RPS21: variants seen among roughly 807,000 people sequenced by gnomAD.
The protein encoded by RPS21 is ribosomal protein S21.
A neutral mutation model predicts 14.5 loss-of-function variants in RPS21; 6 were observed. The observed-to-expected ratio is 0.41, with a 90% CI of 0.23 to 0.82. The LOEUF is 0.82. Ranked by LOEUF, RPS21 falls within the 40% of genes least tolerant of loss-of-function variation. The pLI is 0.31. For missense variants in RPS21, 85 were observed against 115.0 expected (o/e 0.74, Z 1.19); for synonymous variants, 61 against 42.6 (o/e 1.43, Z -1.69).
intron 2 of RPS21, 58 bp downstream of exon 2, chr20:62,387,446 C>T (rs1316693843): frequency 6.2e-7 from 1 of 1,602,040 alleles, no homozygotes; most frequent in Non-Finnish European, 8.5e-7. Flanking sequence ...GTCCCCTCGC[C>T]TGCCCTTGTT....
chr20:62,388,124 G>GCC (rs60801535), intron 4 of RPS21, 185 bp from the exon 5 acceptor site: 407 of 1,490,194 alleles, frequency 2.7e-4, no homozygotes, highest in African/African-American at 6.6e-4. Flanking sequence ...ACTAGGAGGT[G>GCC]CCCCCCCGAC....
rs763798161 is a variant in RPS21 at position 62,388,518 on chromosome 20, C to T, written c.*52C>T. 1.3e-6 allele frequency: 2 copies of T among 1,593,044 alleles called. No individual in the cohort carries two copies. Among genetic ancestry groups the T allele is most frequent in the Admixed American group, 1.7e-5 (1 of 59,956 alleles). ...TTTGTCATAAATAAATAATGAAAAC[C>T]TACCTGTGCAGGTTCATTCTGTGTC... On this transcript the variant is annotated 3_prime_UTR_variant, in exon 6 of 6. Transcript: ENST00000343986.
intron 3 of RPS21, 34 bp downstream of exon 3, chr20:62,387,708 G>A: frequency 3.7e-6 from 6 of 1,614,100 alleles, no homozygotes; most frequent in Non-Finnish European, 5.1e-6. Context: ...GGAAGGTTGT[G>A]ATATATGTGC....
chr20:62,387,217 GGGGTGCT>G (rs1569011838), intron 1 of RPS21, 81 bp downstream of exon 1: 4 of 773,826 alleles, frequency 5.2e-6, no homozygotes, highest in Admixed American at 5.4e-5. Flanking sequence ...GACGGGGTGC[GGGGTGCT>G]GGGTGCGGCT....
rs375620131 is a variant in RPS21 at position 62,387,827 on chromosome 20, C to T, written c.115-16C>T. 14 of 1,613,934 alleles carry T rather than the reference C, an allele frequency of 8.7e-6. No individual in the cohort carries two copies. The highest frequency in any genetic ancestry group is 8.0e-5 in the African/African-American group (6 of 74,920). ...AAACCTGGGGGAGTGGTTTGTGACCCTTCTTCTCTTTCTAGGTTGACAAGG... is the reference window on the plus strand; with the variant it reads ...AAACCTGGGGGAGTGGTTTGTGACCTTTCTTCTCTTTCTAGGTTGACAAGG... On this transcript the variant is annotated splice_polypyrimidine_tract_variant and intron_variant, in intron 3 of 5. Transcript: ENST00000343986.
At chr20:62,387,441 C>T (rs972624364) in intron 2 of RPS21, 53 bp downstream of exon 2, 59 of 1,602,836 alleles carry the variant, frequency 3.7e-5, no homozygotes, top group African/African-American at 3.2e-4. Context: ...ACCACGTCCC[C>T]TCGCCTGCCC....
intron 4 of RPS21, 136 bp from the exon 5 acceptor site, chr20:62,388,173 G>C: frequency 1.4e-6 from 2 of 1,466,872 alleles, no homozygotes; most frequent in Non-Finnish European, 1.8e-6. Context: ...TGCCCCGGGA[G>C]AGGTGGCTCC....
Position 62,387,650 on chromosome 20 carries a change from A to G in RPS21, c.90A>G (p.Ala30=). ...GCATCATCGGTGCCAAGGACCACGC[A>G]TCCATCCAGATGAACGTGGCCGAGG... ...SNRIIGAKDH[A]SIQMNVAEVD... is the part of the protein sequence containing the mutation. Residue 30 remains alanine, a synonymous_variant, in exon 3 of 6, where the codon GCA becomes GCG. Coordinates refer to ENST00000343986, the MANE Select transcript of RPS21 (RefSeq NM_001024.4). 1 of 1,614,076 alleles carries G rather than the reference A, an allele frequency of 6.2e-7. No individual in the cohort carries two copies. The highest frequency in any genetic ancestry group is 8.5e-7 in the Non-Finnish European group (1 of 1,180,020).
intron 5 of RPS21, 42 bp downstream of exon 5, chr20:62,388,406 G>GTGGGCA: frequency 2.5e-6 from 4 of 1,613,518 alleles, no homozygotes; most frequent in Non-Finnish European, 3.4e-6. Flanking sequence ...GAGTGGACTA[G>GTGGGCA]GACTGCTCCA....
Position 62,388,449 on chromosome 20 carries a change from G to A in RPS21, c.243-8G>A, listed in dbSNP as rs1987832345. The A allele has an allele frequency of 2.5e-6, 4 of 1,613,752 alleles. No homozygotes were observed. Among genetic ancestry groups the A allele is most frequent in the Non-Finnish European group, 3.4e-6 (4 of 1,179,850 alleles). ...GGTCTTAACGTTGTCCTTTTCCCCTGGTTCTAGGAACTTTTGACTGGAGAG... is the reference window on the plus strand; with the variant it reads ...GGTCTTAACGTTGTCCTTTTCCCCTAGTTCTAGGAACTTTTGACTGGAGAG... On this transcript the variant is annotated splice_polypyrimidine_tract_variant and splice_region_variant and intron_variant, in intron 5 of 5. Coordinates refer to ENST00000343986, the MANE Select transcript of RPS21 (RefSeq NM_001024.4).
rs759635082 is a variant in RPS21 at position 62,388,317 on chromosome 20, A to G, written c.195A>G (p.Ser65=). 3 of 1,589,522 alleles carry G rather than the reference A, an allele frequency of 1.9e-6. No homozygotes were observed. Among genetic ancestry groups the G allele is most frequent in the Admixed American group, 2.0e-5 (1 of 51,008 alleles). Residue 65 remains serine, a synonymous_variant, in exon 5 of 6, where the codon TCA becomes TCG. Coordinates refer to ENST00000343986, the MANE Select transcript of RPS21 (RefSeq NM_001024.4). The part of the protein sequence containing the change: ...ICGAIRRMGE[S]DDSILRLAKA... Reference sequence around the variant, plus strand: ...TTTTTTTTTTTCTTAAGGGTGAGTCAGATGATTCCATTCTCCGATTGGCCA... The same window carrying G: ...TTTTTTTTTTTCTTAAGGGTGAGTCGGATGATTCCATTCTCCGATTGGCCA...
rs565857395 is a variant in RPS21 at position 62,387,547 on chromosome 20, C to T, written c.51-64C>T. On this transcript the variant is annotated intron_variant, in intron 2 of 5. Transcript: ENST00000343986. ...TTTCCATTCATATACCCCCAACCTCCCTCGTCCCCTCTTTCATTCTTACCG... is the reference window on the plus strand; with the variant it reads ...TTTCCATTCATATACCCCCAACCTCTCTCGTCCCCTCTTTCATTCTTACCG... 111 of 1,590,248 alleles carry T rather than the reference C, an allele frequency of 7.0e-5. 2 individuals carry two copies. In the South Asian group the frequency reaches 1.2e-3, roughly 17 times the overall value.
In RPS21 at chr20:62,387,140, TGGCGCGCGGCGCG is replaced by T; in HGVS notation, c.-19+8_-19+20del. On this transcript the variant is annotated splice_donor_5th_base_variant and intron_variant, in intron 1 of 5. Coordinates refer to ENST00000343986, the MANE Select transcript of RPS21 (RefSeq NM_001024.4). ...GCGCGCGGTGTGGTGGCAGCAGGTG[TGGCGCGCGGCGCG>T]GGCTTCGGGCTCAGGGCTGGGGCTG... 2.0e-6 allele frequency: 1 copy of T among 492,528 alleles called. No homozygotes were observed. The allele number at this position is 492,528 out of a possible 1,614,324, so 30.5% of individuals were successfully genotyped here. A position where few individuals can be genotyped will look rare whatever the true frequency, so the allele number is the denominator to read the frequency against.
At chr20:62,387,559 T>C (rs1200629638) in intron 2 of RPS21, 52 bp from the exon 3 acceptor site, 36 of 1,595,124 alleles carry the variant, frequency 2.3e-5, no homozygotes, top group Non-Finnish European at 2.8e-5. Context: ...TCGTCCCCTC[T>C]TTCATTCTTA....
In RPS21 at chr20:62,388,325, C is replaced by A. The variant is rs980624019; in HGVS notation, c.203C>A (p.Ser68Tyr). The A allele has an allele frequency of 6.3e-7, 1 of 1,589,798 alleles. No homozygotes were observed. Among genetic ancestry groups the A allele is most frequent in the Non-Finnish European group, 8.5e-7 (1 of 1,173,834 alleles). ...AIRRMGESDD[S>Y]ILRLAKADGI... ...TTTCTTAAGGGTGAGTCAGATGATT[C>A]CATTCTCCGATTGGCCAAGGCCGAT... The change falls in exon 5 of 6, where the codon TCC becomes TAC. Residue 68 changes from serine to tyrosine, a missense_variant. Transcript: ENST00000343986.
intron 2 of RPS21, 41 bp downstream of exon 2, chr20:62,387,429 C>G (rs747478691): frequency 5.0e-6 from 8 of 1,604,890 alleles, no homozygotes; most frequent in African/African-American, 2.7e-5. Flanking sequence ...CCTTACCTAA[C>G]CACCACGTCC....
At position 62,387,315 on chromosome 20, in the gene RPS21, C is replaced by G. The variant is rs754691033; in HGVS notation, c.-18-6C>G. ...GTACTCACGGCGCCGCGCGGTGACT[C>G]CCCAGGCGCAGCCCAGCCTCGAAAT... is the stretch of plus-strand genomic sequence containing the variant. On this transcript the variant is annotated splice_region_variant and splice_polypyrimidine_tract_variant and intron_variant, in intron 1 of 5. Transcript: ENST00000343986. 2 of 1,583,478 alleles carry G rather than the reference C, an allele frequency of 1.3e-6. No individual in the cohort carries two copies. Among genetic ancestry groups the G allele is most frequent in the Non-Finnish European group, 1.7e-6 (2 of 1,166,126 alleles).
chr20:62,387,212 G>A, intron 1 of RPS21, 76 bp downstream of exon 1: 2 of 739,622 alleles, frequency 2.7e-6, no homozygotes, highest in Non-Finnish European at 4.3e-6. Context: ...CGGGGGACGG[G>A]GTGCGGGGTG....
intron 4 of RPS21, 45 bp from the exon 5 acceptor site, chr20:62,388,264 G>A: frequency 6.4e-7 from 1 of 1,567,532 alleles, no homozygotes; most frequent in Non-Finnish European, 8.6e-7. Context: ...ATCTCAGGCA[G>A]CCGGAGTGGA....
Sources: gnomAD v4.1 joint callset for allele counts on GRCh38, gnomAD v4.1.1 for gene constraint, MANE v1.5 for transcripts, NCBI Gene and HGNC (gene_info 2026-07-23, HGNC 2026-07-21) for gene names.